The following CDH13 variants were observed in gnomAD, a reference collection of about 807,000 sequenced individuals.
The protein encoded by CDH13 is cadherin-13.
Under a neutral mutation model 63.8 loss-of-function variants are expected in CDH13, and 24 were observed. The ratio of observed to expected loss-of-function variants is 0.38; its 90% CI spans 0.27 to 0.53. The LOEUF is 0.53. Ranked by LOEUF, CDH13 falls within the 20% of genes least tolerant of loss-of-function variation. CDH13 has a pLI of 0.85. For synonymous variants in CDH13, 503 were observed against 355.3 expected, an observed-to-expected ratio of 1.42 and a Z score of -4.67; for missense variants, 1,049 against 903.1, an observed-to-expected ratio of 1.16 and a Z score of -2.07.
intron 4 of CDH13, among the ~76,000 whole-genome samples, chr16:83,215,637 G>C (rs1186266426): frequency 6.6e-6 from 1 of 151,578 alleles, no homozygotes; most frequent in Admixed American, 6.6e-5. Context: ...AAAGTGGCGG[G>C]GGTGGTGGGG....
chr16:83,168,902 AC>A (rs1331904854), intron 4 of CDH13, among the ~76,000 whole-genome samples: 1 of 152,106 alleles, frequency 6.6e-6, no homozygotes, highest in Non-Finnish European at 1.5e-5. Flanking sequence ...ATTTATTGAA[AC>A]TTTTCCCTAG....
intron 6 of CDH13, among the ~76,000 whole-genome samples, chr16:83,413,786 G>T (rs914200331): frequency 1.3e-5 from 2 of 151,988 alleles, no homozygotes; most frequent in Non-Finnish European, 2.9e-5. Context: ...TTGGGAGTTC[G>T]AGTCCAGCCT....
chr16:83,362,507 C>G (rs1597833749), intron 6 of CDH13, among the ~76,000 whole-genome samples: 1 of 152,238 alleles, frequency 6.6e-6, no homozygotes, highest in Non-Finnish European at 1.5e-5. Context: ...TGGCTCACCT[C>G]ATAGGTGGGA....
intron 1 of CDH13, among the ~76,000 whole-genome samples, chr16:82,693,918 A>G (rs747059290): frequency 6.6e-6 from 1 of 152,232 alleles, no homozygotes; most frequent in Non-Finnish European, 1.5e-5. Context: ...TCTGTGATTT[A>G]ATGGGATACA....
chr16:83,453,879 T>A (rs2072952894), intron 6 of CDH13, among the ~76,000 whole-genome samples: 1 of 152,198 alleles, frequency 6.6e-6, no homozygotes, highest in Non-Finnish European at 1.5e-5. Context: ...GCCTTTGTAG[T>A]CCATGGTCAA....
intron 1 of CDH13, among the ~76,000 whole-genome samples, chr16:82,749,539 A>G (rs76670471): frequency 0.033 from 5,042 of 152,284 alleles, 109 homozygotes; most frequent in Non-Finnish European, 0.05. Flanking sequence ...TACAGATACA[A>G]AAACTCAATG....
intron 2 of CDH13, among the ~76,000 whole-genome samples, chr16:83,014,319 TAAA>T (rs34322579): frequency 1.8e-3 from 119 of 67,700 alleles, no homozygotes; most frequent in African/African-American, 3.2e-3. Flanking sequence ...CCCAAATCGA[TAAA>T]AAAAAAAAAA....
chr16:83,025,717 T>A (rs1234585801), intron 2 of CDH13, among the ~76,000 whole-genome samples: 2 of 152,152 alleles, frequency 1.3e-5, no homozygotes, highest in Non-Finnish European at 2.9e-5. Context: ...CCCTTAAAAC[T>A]TCCCTTTCTT....
At chr16:83,295,745 T>C (rs2089577302) in intron 5 of CDH13, among the ~76,000 whole-genome samples, 1 of 152,126 alleles carries the variant, frequency 6.6e-6, no homozygotes, top group African/African-American at 2.4e-5. Flanking sequence ...ACAGCTATAA[T>C]GGAAAATAGT....
At chr16:83,137,063 T>C (rs1225776038) in intron 4 of CDH13, among the ~76,000 whole-genome samples, 1 of 152,136 alleles carries the variant, frequency 6.6e-6, no homozygotes, top group South Asian at 2.1e-4. Flanking sequence ...CTGGAAGGGG[T>C]CAGGGGGCAC....
At position 83,436,288 on chromosome 16, in the gene CDH13, A is replaced by C. The variant is rs41477952; in HGVS notation, c.782-50189A>C. 2.2e-3 allele frequency among the ~76,000 whole-genome samples: 334 copies of C among 152,232 alleles called. 8 individuals are homozygous for C. The East Asian group carries it at 0.05, about 23-fold the overall frequency. On this transcript the variant is annotated intron_variant, in intron 6 of 13. Coordinates refer to ENST00000567109, the MANE Select transcript of CDH13 (RefSeq NM_001257.5). ...GCAATTTCGCTACATATGTTTCTTC[A>C]TATTGGAGCTTATAATAATGCTTAT...
chr16:82,842,178 A>ACACACG (rs373995247), intron 1 of CDH13, among the ~76,000 whole-genome samples: 1 of 133,774 alleles, frequency 7.5e-6, no homozygotes. Context: ...ACACACACAT[A>ACACACG]TATATACACA....
At position 83,490,779 on chromosome 16, in the gene CDH13, C is replaced by G. The variant is rs1409806666; in HGVS notation, c.960+4124C>G. Among the ~76,000 whole-genome samples, 4 of 152,168 alleles carry G rather than the reference C, an allele frequency of 2.6e-5. No individual in the cohort carries two copies. In the East Asian group the frequency reaches 7.7e-4, roughly 29 times the overall value. Reference sequence around the variant, plus strand: ...AGCAGGTGAACTGGCCATTTCTTCCCCTTCCATATCTTAAGCTCCGCATTA... The same window carrying G: ...AGCAGGTGAACTGGCCATTTCTTCCGCTTCCATATCTTAAGCTCCGCATTA... On this transcript the variant is annotated intron_variant, in intron 7 of 13. Coordinates refer to ENST00000567109, the MANE Select transcript of CDH13 (RefSeq NM_001257.5).
chr16:82,683,302 G>A (rs1482405705), intron 1 of CDH13, among the ~76,000 whole-genome samples: 1 of 152,110 alleles, frequency 6.6e-6, no homozygotes, highest in Non-Finnish European at 1.5e-5. Context: ...TTTCTAGCTT[G>A]TCTGCTTATC....
chr16:83,199,090 G>A (rs2038954663), intron 4 of CDH13, among the ~76,000 whole-genome samples: 7 of 152,196 alleles, frequency 4.6e-5, no homozygotes, highest in Admixed American at 4.6e-4. Flanking sequence ...ATGGGCCCGG[G>A]TACATTTGCC....
intron 2 of CDH13, among the ~76,000 whole-genome samples, chr16:82,906,243 G>A (rs2151254619): frequency 6.6e-6 from 1 of 152,226 alleles, no homozygotes; most frequent in East Asian, 1.9e-4. Flanking sequence ...TTTACTAGAA[G>A]GTTGATAGAT....
intron 1 of CDH13, among the ~76,000 whole-genome samples, chr16:82,647,497 C>G (rs1910233683): frequency 6.6e-6 from 1 of 152,162 alleles, no homozygotes; most frequent in Admixed American, 6.5e-5. Context: ...GTCTGTTACT[C>G]AGGCAGGTAC....
Position 83,247,327 on chromosome 16 carries a change from G to C in CDH13, c.636+29830G>C, listed in dbSNP as rs1405340048. ...AGGCTTGGGGAGAATAAGCTTCCAG[G>C]TGAGGAACTCAGTGGCTGAGTTGCA... On this transcript the variant is annotated intron_variant, in intron 5 of 13. Transcript: ENST00000567109. 3.3e-5 allele frequency among the ~76,000 whole-genome samples: 5 copies of C among 152,164 alleles called. No individual in the cohort carries two copies. In the East Asian group the frequency reaches 9.6e-4, roughly 29 times the overall value.
At chr16:82,939,533 C>T (rs1487284104) in intron 2 of CDH13, among the ~76,000 whole-genome samples, 4 of 152,074 alleles carry the variant, frequency 2.6e-5, no homozygotes, top group Non-Finnish European at 5.9e-5. Flanking sequence ...TAATTACGCA[C>T]ATACCTAAAG....
Sources: gnomAD v4.1 joint callset for allele counts (sites outside exome capture counted in the v4.1 genomes callset) on GRCh38, gnomAD v4.1.1 for gene constraint, MANE v1.5 for transcripts, NCBI Gene and HGNC (gene_info 2026-07-23, HGNC 2026-07-21) for gene names.